The following ARK2N variants were observed in gnomAD, a reference collection of about 807,000 sequenced individuals.
The protein encoded by ARK2N is arkadia (RNF111) N-terminal like PKA signaling regulator 2N.
the ARK2N span, among the ~76,000 whole-genome samples, chr18:46,230,270 GT>G: frequency 1.3e-5 from 2 of 152,144 alleles, no homozygotes; most frequent in African/African-American, 4.8e-5. Flanking sequence ...ACTAGTGTAG[GT>G]TATTGCATTC....
chr18:46,206,174 C>G, the ARK2N span, among the ~76,000 whole-genome samples: 1 of 152,004 alleles, frequency 6.6e-6, no homozygotes, highest in Non-Finnish European at 1.5e-5. Flanking sequence ...CAGCCTCAAC[C>G]TCTGAGGCTC....
chr18:46,224,561 G>T, the ARK2N span, among the ~76,000 whole-genome samples: 1 of 152,072 alleles, frequency 6.6e-6, no homozygotes, highest in Non-Finnish European at 1.5e-5. Context: ...AGCTTAAACC[G>T]AAACAAATCT....
chr18:46,227,480 T>C, the ARK2N span, among the ~76,000 whole-genome samples: 1 of 152,186 alleles, frequency 6.6e-6, no homozygotes, highest in Non-Finnish European at 1.5e-5. Flanking sequence ...TTTATGAGAA[T>C]TGGAAGTTAA....
At chr18:46,265,142 A>C in the ARK2N span, 1 of 152,678 alleles carries the variant, frequency 6.5e-6, no homozygotes, top group Non-Finnish European at 1.5e-5. Context: ...TTTGACTTGA[A>C]TTAAAATACT....
the ARK2N span, among the ~76,000 whole-genome samples, chr18:46,183,817 CA>C: frequency 5.1e-3 from 772 of 152,040 alleles, 8 homozygotes; most frequent in African/African-American, 0.017. Context: ...CCTTCAAAAC[CA>C]AATTTTTAAA....
the ARK2N span, among the ~76,000 whole-genome samples, chr18:46,221,417 G>T: frequency 6.6e-6 from 1 of 150,948 alleles, no homozygotes; most frequent in South Asian, 2.1e-4. Context: ...AAAATTAGCC[G>T]GGTGTGGTGG....
chr18:46,174,794 G>A, the ARK2N span, among the ~76,000 whole-genome samples: 2 of 152,184 alleles, frequency 1.3e-5, no homozygotes, highest in Non-Finnish European at 2.9e-5. Flanking sequence ...CGGCAACTCC[G>A]CCAGCTCCGA....
chr18:46,209,712 C>T, the ARK2N span, among the ~76,000 whole-genome samples: 15 of 152,134 alleles, frequency 9.9e-5, no homozygotes, highest in Non-Finnish European at 2.1e-4. Context: ...TCTTCTGCCT[C>T]AGCCTCCCGA....
At chr18:46,237,003 C>T in the ARK2N span, among the ~76,000 whole-genome samples, 1,501 of 152,028 alleles carry the variant, frequency 9.9e-3, 28 homozygotes, top group African/African-American at 0.034. Context: ...GCTGGGATTA[C>T]AGGCACGCAC....
the ARK2N span, among the ~76,000 whole-genome samples, chr18:46,213,563 T>TA: frequency 6.6e-6 from 1 of 152,236 alleles, no homozygotes; most frequent in African/African-American, 2.4e-5. Context: ...TCAGAGGTGT[T>TA]ACATTTTTTT....
chr18:46,192,006 A>C, the ARK2N span, among the ~76,000 whole-genome samples: 1 of 152,180 alleles, frequency 6.6e-6, no homozygotes. Flanking sequence ...TGGATGAATA[A>C]TATTCCATTG....
At chr18:46,242,358 C>G in the ARK2N span, among the ~76,000 whole-genome samples, 8 of 152,112 alleles carry the variant, frequency 5.3e-5, no homozygotes, top group African/African-American at 1.9e-4. Flanking sequence ...AAAAATCAGC[C>G]ATTTCTTATG....
At chr18:46,261,462 G>A in the ARK2N span, among the ~76,000 whole-genome samples, 2 of 152,322 alleles carry the variant, frequency 1.3e-5, no homozygotes, top group East Asian at 3.9e-4. Flanking sequence ...TAAAGGTAGT[G>A]TTCCGTTGGC....
the ARK2N span, chr18:46,232,280 C>T: frequency 6.6e-6 from 1 of 152,106 alleles, no homozygotes; most frequent in Admixed American, 6.5e-5. Context: ...AAATTATGGG[C>T]AAGTTATCTT....
the ARK2N span, among the ~76,000 whole-genome samples, chr18:46,258,694 A>G: frequency 2.0e-5 from 3 of 152,218 alleles, no homozygotes; most frequent in African/African-American, 7.2e-5. Flanking sequence ...TATCTGCACT[A>G]ATACAGATTA....
chr18:46,187,759 A>G, the ARK2N span, among the ~76,000 whole-genome samples: 3 of 152,094 alleles, frequency 2.0e-5, no homozygotes, highest in Non-Finnish European at 4.4e-5. Context: ...AGTTTCCTTG[A>G]TTTTTGGTGC....
chr18:46,265,433 G>A, the ARK2N span: 1 of 152,332 alleles, frequency 6.6e-6, no homozygotes, highest in Non-Finnish European at 1.5e-5. Context: ...TGTGTGCACT[G>A]TGGATTAGGA....
chr18:46,177,431 CTTTTTTTTTT>C, the ARK2N span, among the ~76,000 whole-genome samples: 7 of 89,324 alleles, frequency 7.8e-5, 1 homozygote, highest in South Asian at 2.3e-3. Context: ...TTTTTCTTTA[CTTTTTTTTTT>C]TTTTTTTTTT....
chr18:46,262,586 T>C, the ARK2N span, among the ~76,000 whole-genome samples: 1 of 152,244 alleles, frequency 6.6e-6, no homozygotes, highest in Non-Finnish European at 1.5e-5. Context: ...CTTAACTTTG[T>C]TCTGGATTTA....
Sources: allele counts gnomAD v4.1 joint callset (sites outside exome capture counted in the v4.1 genomes callset), GRCh38; gene constraint gnomAD v4.1.1; transcripts MANE v1.5; gene names NCBI Gene and HGNC (gene_info 2026-07-23, HGNC 2026-07-21).